Variants in BRINP3 observed in about 807,000 individuals in gnomAD.
BRINP3 encodes BMP/retinoic acid-inducible neural-specific protein 3.
BRINP3 carries 19 observed loss-of-function variants against 71.0 expected under a neutral mutation model. The ratio of observed to expected loss-of-function variants is 0.27; its 90% CI spans 0.19 to 0.39. The LOEUF (loss-of-function observed/expected upper bound fraction) is 0.39. Among genes scored for constraint, BRINP3 ranks in the 10% least tolerant of loss-of-function variants. BRINP3 has a pLI of 1.00. For synonymous variants in BRINP3, 380 were observed against 337.7 expected (o/e 1.13, Z -1.37); for missense variants, 959 against 940.8 (o/e 1.02, Z -0.25).
intron 4 of BRINP3, among the ~76,000 whole-genome samples, chr1:190,247,594 T>G (rs946144542): frequency 6.6e-5 from 10 of 152,004 alleles, no homozygotes; most frequent in Admixed American, 2.0e-4. Context: ...AGCTGTAACT[T>G]CGTATCCCTT....
intron 4 of BRINP3, among the ~76,000 whole-genome samples, chr1:190,263,832 C>A (rs1301708629): frequency 6.6e-6 from 1 of 152,090 alleles, no homozygotes; most frequent in East Asian, 1.9e-4. Flanking sequence ...AAGTGATCCC[C>A]CCGCCTCGGC....
intron 2 of BRINP3, among the ~76,000 whole-genome samples, chr1:190,443,174 T>C (rs537097171): frequency 6.6e-6 from 1 of 152,022 alleles, no homozygotes; most frequent in African/African-American, 2.4e-5. Context: ...GCTGGGATTA[T>C]GGGCGTGAGC....
chr1:190,452,909 T>G (rs2102619285), intron 2 of BRINP3, among the ~76,000 whole-genome samples: 1 of 152,228 alleles, frequency 6.6e-6, no homozygotes, highest in Non-Finnish European at 1.5e-5. Flanking sequence ...CACAGCTGAT[T>G]GACTGATAAG....
intron 6 of BRINP3, among the ~76,000 whole-genome samples, chr1:190,207,236 C>T (rs575073819): frequency 6.6e-6 from 1 of 152,016 alleles, no homozygotes; most frequent in Non-Finnish European, 1.5e-5. Flanking sequence ...ACAATTGAGG[C>T]AAGACTTCAT....
intron 7 of BRINP3, among the ~76,000 whole-genome samples, chr1:190,154,797 G>T (rs1361245112): frequency 6.6e-6 from 1 of 152,076 alleles, no homozygotes; most frequent in Non-Finnish European, 1.5e-5. Context: ...CATTATTTTA[G>T]TTGCAGGCTG....
chr1:190,229,480 G>A (rs1571429285), intron 5 of BRINP3, among the ~76,000 whole-genome samples: 1 of 151,688 alleles, frequency 6.6e-6, no homozygotes, highest in East Asian at 2.0e-4. Flanking sequence ...GTCTTTATTA[G>A]CAGCATAAGA....
intron 7 of BRINP3, among the ~76,000 whole-genome samples, chr1:190,110,268 A>T (rs1053589369): frequency 2.3e-4 from 35 of 152,200 alleles, no homozygotes; most frequent in African/African-American, 8.4e-4. Context: ...GGTAGAACTC[A>T]TGCTCTCAAC....
At chr1:190,293,563 A>T (rs1041969956) in intron 2 of BRINP3, among the ~76,000 whole-genome samples, 3 of 152,080 alleles carry the variant, frequency 2.0e-5, no homozygotes, top group Admixed American at 6.6e-5. Flanking sequence ...TTTAACTTTG[A>T]TGTTTCCTTG....
chr1:190,248,749 AACAC>A (rs201919170), intron 4 of BRINP3, among the ~76,000 whole-genome samples: 1 of 151,112 alleles, frequency 6.6e-6, no homozygotes, highest in Non-Finnish European at 1.5e-5. Flanking sequence ...TATACATTCA[AACAC>A]ACACACACAC....
At chr1:190,178,472 C>T (rs572121035) in intron 6 of BRINP3, among the ~76,000 whole-genome samples, 1 of 152,200 alleles carries the variant, frequency 6.6e-6, no homozygotes, top group South Asian at 2.1e-4. Flanking sequence ...AATAAATGCA[C>T]CTTTTTGCCA....
intron 1 of BRINP3, among the ~76,000 whole-genome samples, chr1:190,466,756 T>C (rs995948182): frequency 3.3e-5 from 5 of 151,626 alleles, no homozygotes; most frequent in African/African-American, 4.8e-5. Flanking sequence ...TATACACTAA[T>C]ATCTCTGTGG....
intron 2 of BRINP3, among the ~76,000 whole-genome samples, chr1:190,288,560 T>A (rs1280734066): frequency 6.6e-6 from 1 of 151,960 alleles, no homozygotes; most frequent in Non-Finnish European, 1.5e-5. Context: ...ACCTCGGTGA[T>A]ATAAACACAC....
At chr1:190,139,888 A>G (rs1247466566) in intron 7 of BRINP3, among the ~76,000 whole-genome samples, 1 of 152,234 alleles carries the variant, frequency 6.6e-6, no homozygotes, top group East Asian at 1.9e-4. Flanking sequence ...CTACCCCATG[A>G]GTAAACCACA....
Position 190,454,912 on chromosome 1 carries a change from C to A in BRINP3, c.-22G>T, listed in dbSNP as rs752936285. 6.3e-7 allele frequency: 1 copy of A among 1,590,372 alleles called. No individual in the cohort carries two copies. The highest frequency in any genetic ancestry group is 8.6e-7 in the Non-Finnish European group (1 of 1,159,850). ...TCATGCTTCCACTGGGGATTTAGAG[C>A]CTTCATTCTCTCAGCTTTCCCTCAA... is the stretch of plus-strand genomic sequence containing the variant. On this transcript the variant is annotated 5_prime_UTR_variant, in exon 2 of 8. Coordinates refer to ENST00000367462, the MANE Select transcript of BRINP3 (RefSeq NM_199051.3).
At chr1:190,105,837 A>C (rs1652111899) in intron 7 of BRINP3, among the ~76,000 whole-genome samples, 1 of 152,046 alleles carries the variant, frequency 6.6e-6, no homozygotes, top group Non-Finnish European at 1.5e-5. Context: ...CTTATAATAT[A>C]AAATATAAAA....
At chr1:190,313,773 C>A (rs1279569087) in intron 2 of BRINP3, among the ~76,000 whole-genome samples, 1 of 152,006 alleles carries the variant, frequency 6.6e-6, no homozygotes, top group Non-Finnish European at 1.5e-5. Flanking sequence ...ATTATACAGA[C>A]ATATAGCTAT....
In BRINP3 at chr1:190,277,966, T is replaced by C. The variant is rs758247715; in HGVS notation, c.427+3594A>G. 1.5e-4 allele frequency among the ~76,000 whole-genome samples: 23 copies of C among 151,852 alleles called. 1 individual carries two copies. Among genetic ancestry groups the C allele is most frequent in the South Asian group, 2.1e-4 (1 of 4,814 alleles). The stretch of plus-strand genomic sequence containing the variant: ...AATAATATATATTGAAGAATGTTTT[T>C]TATAATTTATTTTTCTCTATAGATA... On this transcript the variant is annotated intron_variant, in intron 3 of 7. Transcript: ENST00000367462.
intron 6 of BRINP3, among the ~76,000 whole-genome samples, chr1:190,165,777 G>T (rs1651477960): frequency 6.6e-6 from 1 of 151,850 alleles, no homozygotes; most frequent in African/African-American, 2.4e-5. Context: ...TACAAAATTG[G>T]CAAGATATGA....
chr1:190,381,796 A>G (rs1670566675), intron 2 of BRINP3, among the ~76,000 whole-genome samples: 1 of 152,184 alleles, frequency 6.6e-6, no homozygotes, highest in African/African-American at 2.4e-5. Flanking sequence ...GGTCCTAGGC[A>G]TATGGATCAG....
Sources: allele counts gnomAD v4.1 joint callset (sites outside exome capture counted in the v4.1 genomes callset), GRCh38; gene constraint gnomAD v4.1.1; transcripts MANE v1.5; gene names NCBI Gene and HGNC (gene_info 2026-07-23, HGNC 2026-07-21).